Variants in IGSF21 observed in about 807,000 individuals in gnomAD.
IGSF21 encodes immunoglobulin superfamily member 21.
Under a neutral mutation model 46.8 loss-of-function variants are expected in IGSF21, and 28 were observed. The ratio of observed to expected loss-of-function variants is 0.60; its 90% CI spans 0.44 to 0.82. The LOEUF (loss-of-function observed/expected upper bound fraction) is 0.82, where lower values mean the gene tolerates loss of function less well. IGSF21 is among the 40% of genes least tolerant of loss of function. IGSF21 has a pLI of 0.00. For synonymous variants in IGSF21, 284 were observed against 273.6 expected, an observed-to-expected ratio of 1.04 and a Z score of -0.38; for missense variants, 624 against 665.5, an observed-to-expected ratio of 0.94 and a Z score of 0.69.
intron 1 of IGSF21, among the ~76,000 whole-genome samples, chr1:18,217,890 G>A (rs902525361): frequency 3.9e-5 from 6 of 152,318 alleles, no homozygotes; most frequent in Non-Finnish European, 7.3e-5. Flanking sequence ...CTATCCGACA[G>A]GGTTGCAATG....
At chr1:18,130,874 C>T (rs2086314405) in intron 1 of IGSF21, among the ~76,000 whole-genome samples, 1 of 152,250 alleles carries the variant, frequency 6.6e-6, no homozygotes, top group Non-Finnish European at 1.5e-5. Flanking sequence ...TCCGGCTGTC[C>T]CTGTTGGCCC....
At chr1:18,165,502 AAC>A (rs2086669558) in intron 1 of IGSF21, among the ~76,000 whole-genome samples, 1 of 152,214 alleles carries the variant, frequency 6.6e-6, no homozygotes, top group Non-Finnish European at 1.5e-5. Flanking sequence ...CCTACATCCA[AAC>A]ACAGTCACAT....
rs59704256 is a variant in IGSF21 at position 18,252,045 on chromosome 1, G to GTTTTTTTTTTT, written c.183+24048_183+24058dup. On this transcript the variant is annotated intron_variant, in intron 2 of 9. Coordinates refer to ENST00000251296, the MANE Select transcript of IGSF21 (RefSeq NM_032880.5). ...GGCTGGAACACTTTCTGACCAAGGCGTTTTTTTTTTTTTTTTTTTTTTTGA... is the reference window on the plus strand; with the variant it reads ...GGCTGGAACACTTTCTGACCAAGGCGTTTTTTTTTTTTTTTTTTTTTTTTTTTTTTTTTTGA... 6.9e-5 allele frequency among the ~76,000 whole-genome samples: 5 copies of GTTTTTTTTTTT among 72,094 alleles called. 2 individuals are homozygous for GTTTTTTTTTTT. Among genetic ancestry groups the GTTTTTTTTTTT allele is most frequent in the East Asian group, 4.6e-4 (1 of 2,168 alleles). The allele number at this position is 72,094 out of a possible 152,430, so 47.3% of individuals were successfully genotyped here.
intron 1 of IGSF21, among the ~76,000 whole-genome samples, chr1:18,205,310 T>C (rs985882810): frequency 6.6e-6 from 1 of 152,164 alleles, no homozygotes; most frequent in Non-Finnish European, 1.5e-5. Flanking sequence ...TATATGATTC[T>C]TGAAATCACC....
chr1:18,356,882 T>C (rs1009062567), intron 4 of IGSF21, among the ~76,000 whole-genome samples: 1 of 150,802 alleles, frequency 6.6e-6, no homozygotes, highest in Non-Finnish European at 1.5e-5. Context: ...GGAGTTGAAG[T>C]TGGTCGTGAG....
intron 1 of IGSF21, among the ~76,000 whole-genome samples, chr1:18,175,091 C>G (rs565629610): frequency 6.6e-6 from 1 of 152,198 alleles, no homozygotes; most frequent in South Asian, 2.1e-4. Context: ...CCCCTACCCA[C>G]CTCCACCCTG....
At chr1:18,111,928 A>T (rs1183167418) in intron 1 of IGSF21, 1 of 152,188 alleles carries the variant, frequency 6.6e-6, no homozygotes, top group African/African-American at 2.4e-5. Context: ...CATCTGAGTG[A>T]TGCCTCAGAT....
At chr1:18,225,248 C>G (rs2084554232) in intron 1 of IGSF21, among the ~76,000 whole-genome samples, 1 of 151,970 alleles carries the variant, frequency 6.6e-6, no homozygotes, top group South Asian at 2.1e-4. Context: ...CTTCCTGATT[C>G]ACCTCTAAGA....
chr1:18,163,081 A>C (rs1300591214), intron 1 of IGSF21, among the ~76,000 whole-genome samples: 1 of 152,174 alleles, frequency 6.6e-6, no homozygotes, highest in African/African-American at 2.4e-5. Flanking sequence ...TCTGAATGAA[A>C]GATGTTTCCA....
In IGSF21 at chr1:18,312,229, A is replaced by G. The variant is rs566263176; in HGVS notation, c.305+20242A>G. 4.6e-5 allele frequency among the ~76,000 whole-genome samples: 7 copies of G among 152,346 alleles called. No homozygotes were observed. In the South Asian group the frequency reaches 8.3e-4, roughly 18 times the overall value. On this transcript the variant is annotated intron_variant, in intron 3 of 9. Transcript: ENST00000251296. ...GAGGCAGTCAATGCATATCTGTTGA[A>G]TGAATGAATTAAATGAATCCGCAAA... is the stretch of plus-strand genomic sequence containing the variant.
At chr1:18,336,851 C>A (rs1282328215) in intron 4 of IGSF21, among the ~76,000 whole-genome samples, 1 of 152,186 alleles carries the variant, frequency 6.6e-6, no homozygotes, top group Non-Finnish European at 1.5e-5. Context: ...GGAGGCCTCA[C>A]AATCGCGGTG....
chr1:18,245,902 AC>A (rs1345449733), intron 2 of IGSF21, among the ~76,000 whole-genome samples: 1 of 152,176 alleles, frequency 6.6e-6, no homozygotes, highest in East Asian at 1.9e-4. Context: ...CTGCCTCCTG[AC>A]CGATGACTCT....
At chr1:18,276,451 C>T (rs78206824) in intron 2 of IGSF21, among the ~76,000 whole-genome samples, 3,461 of 152,246 alleles carry the variant, frequency 0.023, 281 homozygotes, top group Admixed American at 0.15. Context: ...AGCTTCCAGC[C>T]CCTAAGGCTT....
At chr1:18,227,715 C>T (rs902322059) in intron 1 of IGSF21, among the ~76,000 whole-genome samples, 183 bp from the exon 2 acceptor site, 2 of 152,032 alleles carry the variant, frequency 1.3e-5, no homozygotes, top group Admixed American at 6.5e-5. Flanking sequence ...GGGTGATTGG[C>T]TCCATTTGGG....
intron 3 of IGSF21, among the ~76,000 whole-genome samples, chr1:18,299,249 C>T (rs982971825): frequency 2.6e-5 from 4 of 152,128 alleles, no homozygotes; most frequent in East Asian, 1.9e-4. Context: ...GGCTTCTAAG[C>T]GGAAGCTCTC....
At position 18,361,882 on chromosome 1, in the gene IGSF21, T is replaced by C. The variant is rs576435718; in HGVS notation, c.425-233T>C. On this transcript the variant is annotated intron_variant, in intron 4 of 9. Coordinates refer to ENST00000251296, the MANE Select transcript of IGSF21 (RefSeq NM_032880.5). ...TCTGTGCTATCTCTTGATTCCTGTG[T>C]GTCTTCTACACTAAACTGTAAGCTC... The C allele has an allele frequency of 1.4e-4, 73 of 524,222 alleles. 1 individual carries two copies. In the East Asian group the frequency reaches 2.3e-3, roughly 16 times the overall value. The allele number at this position is 524,222 out of a possible 1,614,324, so 32.5% of individuals were successfully genotyped here.
chr1:18,273,462 C>CTCTCTTTCTTTTCTTTCTTTCTTTCTT (rs767013694), intron 2 of IGSF21, among the ~76,000 whole-genome samples: 65 of 61,920 alleles, frequency 1.0e-3, no homozygotes, highest in African/African-American at 4.3e-3. Flanking sequence ...TTCTTTCTCT[C>CTCTCTTTCTTTTCTTTCTTTCTTTCTT]TCTTTCTTTC....
intron 2 of IGSF21, among the ~76,000 whole-genome samples, chr1:18,280,809 C>T (rs1444117364): frequency 6.6e-6 from 1 of 152,092 alleles, no homozygotes; most frequent in Non-Finnish European, 1.5e-5. Context: ...CAAGCCTTGC[C>T]TTCTTGTTGA....
intron 1 of IGSF21, among the ~76,000 whole-genome samples, chr1:18,171,025 G>A (rs181225367): frequency 4.6e-5 from 7 of 152,112 alleles, no homozygotes; most frequent in Middle Eastern, 6.8e-3. Context: ...ATGCAGGCCC[G>A]TCGGGGAGGC....
Sources: gnomAD v4.1 joint callset for allele counts (sites outside exome capture counted in the v4.1 genomes callset) on GRCh38, gnomAD v4.1.1 for gene constraint, MANE v1.5 for transcripts, NCBI Gene and HGNC (gene_info 2026-07-23, HGNC 2026-07-21) for gene names.